PACRG: variants seen among roughly 807,000 people sequenced by gnomAD.
PACRG encodes the protein parkin coregulated, also known as parkin coregulated gene protein.
Under a neutral mutation model 29.7 loss-of-function variants are expected in PACRG, and 29 were observed. That is an observed-to-expected ratio of 0.98 (90% CI 0.73 to 1.33). PACRG has a LOEUF of 1.33. Among genes scored for constraint, PACRG ranks in the 40% most tolerant of loss-of-function variants. PACRG has a pLI of 0.00. For synonymous variants in PACRG, 116 were observed against 118.7 expected (o/e 0.98, Z 0.15); for missense variants, 279 against 316.2 (o/e 0.88, Z 0.89).
At chr6:162,838,803 T>C (rs1789487165) in intron 2 of PACRG, among the ~76,000 whole-genome samples, 1 of 137,850 alleles carries the variant, frequency 7.3e-6, no homozygotes, top group South Asian at 2.4e-4. Context: ...CCATGTGATC[T>C]CATTGTTCAA....
chr6:162,891,141 T>C (rs958639369), intron 2 of PACRG, among the ~76,000 whole-genome samples: 2 of 152,120 alleles, frequency 1.3e-5, no homozygotes, highest in Non-Finnish European at 2.9e-5. Context: ...GCTTGTGAAA[T>C]GGACACGGTA....
intron 2 of PACRG, among the ~76,000 whole-genome samples, chr6:162,836,109 T>G (rs546294008): frequency 6.6e-6 from 1 of 152,282 alleles, no homozygotes; most frequent in African/African-American, 2.4e-5. Flanking sequence ...TTTAACATGA[T>G]TTTTATATAT....
chr6:163,282,394 T>C (rs1784251587), intron 4 of PACRG, among the ~76,000 whole-genome samples: 1 of 152,166 alleles, frequency 6.6e-6, no homozygotes, highest in Admixed American at 6.5e-5. Context: ...AAAATATTTA[T>C]TTCTCTTATC....
At chr6:162,816,070 TTCTTTA>T (rs1345618350) in intron 2 of PACRG, among the ~76,000 whole-genome samples, 1 of 152,170 alleles carries the variant, frequency 6.6e-6, no homozygotes, top group African/African-American at 2.4e-5. Flanking sequence ...ATGAATCATT[TTCTTTA>T]TCTTTGATAA....
intron 2 of PACRG, among the ~76,000 whole-genome samples, chr6:162,889,453 T>C (rs1794602094): frequency 6.6e-6 from 1 of 152,222 alleles, no homozygotes; most frequent in African/African-American, 2.4e-5. Context: ...AAATGTACTT[T>C]ATAGCTTGTT....
chr6:162,817,549 G>A (rs1787463083), intron 2 of PACRG, among the ~76,000 whole-genome samples: 1 of 152,202 alleles, frequency 6.6e-6, no homozygotes. Context: ...GTCTGCAGTG[G>A]TGGAAATGTT....
intron 4 of PACRG, among the ~76,000 whole-genome samples, chr6:163,136,050 GT>G (rs1350929655): frequency 6.6e-6 from 1 of 152,090 alleles, no homozygotes; most frequent in African/African-American, 2.4e-5. Context: ...GCAGACTTTA[GT>G]TTTTGTGCCT....
chr6:162,921,420 G>C (rs1406163346), intron 2 of PACRG, among the ~76,000 whole-genome samples: 1 of 152,116 alleles, frequency 6.6e-6, no homozygotes, highest in Non-Finnish European at 1.5e-5. Context: ...GGTTTCCTCC[G>C]GAGGCTGTCT....
At chr6:163,019,184 C>T (rs1413833862) in intron 2 of PACRG, among the ~76,000 whole-genome samples, 1 of 152,118 alleles carries the variant, frequency 6.6e-6, no homozygotes, top group Admixed American at 6.6e-5. Flanking sequence ...CTTATTCTCT[C>T]CTTTTTAAAA....
At chr6:163,149,085 G>A (rs1263001450) in intron 4 of PACRG, among the ~76,000 whole-genome samples, 1 of 151,118 alleles carries the variant, frequency 6.6e-6, no homozygotes, top group African/African-American at 2.4e-5. Context: ...TCCAGGCCCT[G>A]CAGGGCCGTG....
intron 2 of PACRG, among the ~76,000 whole-genome samples, chr6:162,946,051 C>CA (rs1159478726): frequency 1.3e-5 from 2 of 151,216 alleles, no homozygotes; most frequent in African/African-American, 4.9e-5. Context: ...ATGCCTGTGT[C>CA]AAAAAAATAG....
At chr6:163,157,426 T>C (rs570719461) in intron 4 of PACRG, among the ~76,000 whole-genome samples, 33 of 152,242 alleles carry the variant, frequency 2.2e-4, no homozygotes, top group African/African-American at 7.5e-4. Context: ...TACAACCACA[T>C]CTCTCATGTC....
chr6:162,787,574 GTGTGTGTGTATATATATATATA>G (rs1784574662), intron 1 of PACRG, among the ~76,000 whole-genome samples: 1 of 60,416 alleles, frequency 1.7e-5, no homozygotes, highest in African/African-American at 6.7e-5. Flanking sequence ...GTGTGTGTGT[GTGTGTGTGTATATATATATATA>G]TATATATATA....
chr6:162,785,198 GAGA>G (rs1784373534), intron 1 of PACRG, among the ~76,000 whole-genome samples: 2 of 148,552 alleles, frequency 1.3e-5, no homozygotes, highest in African/African-American at 4.9e-5. Flanking sequence ...GAGAGAGAGA[GAGA>G]GGGAGAGAAA....
At chr6:163,244,989 A>G in intron 4 of PACRG, 2 of 451,190 alleles carry the variant, frequency 4.4e-6, no homozygotes, top group Middle Eastern at 6.6e-4. Context: ...CGAAGTGGGG[A>G]GGTCCAGACT....
chr6:163,139,159 C>T (rs1817055135), intron 4 of PACRG, among the ~76,000 whole-genome samples: 1 of 152,250 alleles, frequency 6.6e-6, no homozygotes, highest in South Asian at 2.1e-4. Flanking sequence ...CCATTCCTGG[C>T]CTCCCCCAGC....
chr6:163,011,210 T>C (rs1369785458), intron 2 of PACRG, among the ~76,000 whole-genome samples: 2 of 152,298 alleles, frequency 1.3e-5, no homozygotes, highest in South Asian at 4.1e-4. Flanking sequence ...ATGACTGGGA[T>C]ACCCTCTAAG....
At chr6:162,813,601 T>C (rs1787068858) in intron 1 of PACRG, among the ~76,000 whole-genome samples, 1 of 152,136 alleles carries the variant, frequency 6.6e-6, no homozygotes, top group Non-Finnish European at 1.5e-5. Flanking sequence ...TACACACACA[T>C]AGTAGGCCAC....
intron 4 of PACRG, among the ~76,000 whole-genome samples, chr6:163,244,702 A>G (rs1318492028): frequency 6.6e-6 from 1 of 152,222 alleles, no homozygotes; most frequent in African/African-American, 2.4e-5. Context: ...CTGTCCTCCG[A>G]AGGCACCAAC....
Sources: allele counts gnomAD v4.1 joint callset (sites outside exome capture counted in the v4.1 genomes callset), GRCh38; gene constraint gnomAD v4.1.1; transcripts MANE v1.5; gene names NCBI Gene and HGNC (gene_info 2026-07-23, HGNC 2026-07-21).